NT5C3B: variants seen among roughly 807,000 people sequenced by gnomAD.
NT5C3B encodes 5'-nucleotidase, cytosolic IIIB.
In NT5C3B, 28 loss-of-function variants were observed where a neutral mutation model predicts 32.5. The observed-to-expected ratio is 0.86, with a 90% CI of 0.64 to 1.18. The LOEUF (loss-of-function observed/expected upper bound fraction) is 1.18. NT5C3B is among the 50% of genes most tolerant of loss of function. NT5C3B has a pLI of 0.00. For missense variants in NT5C3B, 317 were observed against 322.0 expected, an observed-to-expected ratio of 0.98 and a Z score of 0.12; for synonymous variants, 138 against 118.0, an observed-to-expected ratio of 1.17 and a Z score of -1.10.
At chr17:41,826,133 G>A (rs2047956757) in intron 8 of NT5C3B, among the ~76,000 whole-genome samples, 1 of 150,886 alleles carries the variant, frequency 6.6e-6, no homozygotes, top group Non-Finnish European at 1.5e-5. Flanking sequence ...TCCAGCCTAG[G>A]TGACAGAGTG....
At chr17:41,832,827 C>T (rs1346561114) in intron 4 of NT5C3B, 3 of 167,734 alleles carry the variant, frequency 1.8e-5, no homozygotes, top group Non-Finnish European at 2.6e-5. Flanking sequence ...AAGACGAGAT[C>T]ACACCACTGC....
chr17:41,835,392 C>T, intron 2 of NT5C3B, 120 bp from the exon 3 acceptor site: 1 of 817,408 alleles, frequency 1.2e-6, no homozygotes. Flanking sequence ...GTAGGCAAAG[C>T]CCTAGGGGAG....
At chr17:41,830,239 G>A (rs782241911) in intron 6 of NT5C3B, among the ~76,000 whole-genome samples, 1 of 152,184 alleles carries the variant, frequency 6.6e-6, no homozygotes, top group Non-Finnish European at 1.5e-5. Flanking sequence ...GGCCGGGCGC[G>A]GTGGCTCGCG....
intron 5 of NT5C3B, among the ~76,000 whole-genome samples, chr17:41,831,671 A>G (rs2048054069): frequency 6.6e-6 from 1 of 152,220 alleles, no homozygotes; most frequent in Admixed American, 6.5e-5. Context: ...TAATGCAGCA[A>G]GAAGGCCCTC....
At chr17:41,826,305 C>T (rs371313558) in intron 8 of NT5C3B, among the ~76,000 whole-genome samples, 45 of 152,096 alleles carry the variant, frequency 3.0e-4, no homozygotes, top group African/African-American at 1.1e-3. Context: ...CTCACTGCAG[C>T]TTCAACCTCC....
intron 7 of NT5C3B, chr17:41,828,335 TTTTG>T (rs1270888166): frequency 6.4e-6 from 1 of 155,746 alleles, no homozygotes; most frequent in African/African-American, 2.4e-5. Flanking sequence ...TTGAAAGTTT[TTTTG>T]TTTTTGTTTT....
At position 41,835,957 on chromosome 17, in the gene NT5C3B, C is replaced by A. The variant is rs910464047; in HGVS notation, c.13G>T (p.Val5Leu). 3 of 1,583,458 alleles carry A rather than the reference C, an allele frequency of 1.9e-6. No homozygotes were observed. Among genetic ancestry groups the A allele is most frequent in the Non-Finnish European group, 2.6e-6 (3 of 1,165,236 alleles). The part of the protein sequence containing the change: MAEE[V>L]STLMKATVLM... ...ACCGTGGCCTTCATCAGGGTGCTCA[C>A]CTGTCCCGAGACCCGAGAGAACCAC... is the stretch of plus-strand genomic sequence containing the variant. Residue 5 changes from valine (V) to leucine (L), a missense_variant and splice_region_variant, in exon 2 of 9, where the codon GTG (valine) becomes TTG (leucine). Coordinates refer to ENST00000435506, the MANE Select transcript of NT5C3B (RefSeq NM_052935.5).
rs1043699423 is a variant in NT5C3B, at chr17:41,826,886, G to A, written c.768+540C>T. On this transcript the variant is annotated intron_variant, in intron 8 of 8. Coordinates refer to ENST00000435506, the MANE Select transcript of NT5C3B (RefSeq NM_052935.5). ...GTGGTGGCACATGCCTGTAGTCCCAGCTACTCAGCTGCCTGAGGCAGAAGA... is the reference window on the plus strand; with the variant it reads ...GTGGTGGCACATGCCTGTAGTCCCAACTACTCAGCTGCCTGAGGCAGAAGA... Among the ~76,000 whole-genome samples, 6 of 151,052 alleles carry A rather than the reference G, an allele frequency of 4.0e-5. No individual in the cohort carries two copies. In the South Asian group the frequency reaches 1.2e-3, roughly 31 times the overall value.
rs782566651 is a variant in NT5C3B, at chr17:41,835,188, T to G, written c.181+15A>C. Reference sequence around the variant, plus strand: ...TCTTGTCAAGCTCAACAAGGGAAGCTAGAATGTGACTTACTGTAAGAAGAA... The same window carrying G: ...TCTTGTCAAGCTCAACAAGGGAAGCGAGAATGTGACTTACTGTAAGAAGAA... On this transcript the variant is annotated intron_variant, in intron 3 of 8. Coordinates refer to ENST00000435506, the MANE Select transcript of NT5C3B (RefSeq NM_052935.5). 1 of 1,613,794 alleles carries G rather than the reference T, an allele frequency of 6.2e-7. No homozygotes were observed. The highest frequency in any genetic ancestry group is 1.3e-5 in the African/African-American group (1 of 75,034).
In NT5C3B at chr17:41,833,819, G is replaced by T. The variant is rs544033955; in HGVS notation, c.228+1251C>A. 2.0e-5 allele frequency among the ~76,000 whole-genome samples: 3 copies of T among 152,252 alleles called. No homozygotes were observed. The South Asian group carries it at 6.2e-4, about 32-fold the overall frequency. On this transcript the variant is annotated intron_variant, in intron 4 of 8. Coordinates refer to ENST00000435506, the MANE Select transcript of NT5C3B (RefSeq NM_052935.5). ...AGCATCTATGTGTGTTTCCTCTAAG[G>T]TTTCCTTCTATGTGCCAAGACTTTG...
chr17:41,835,821 C>T (rs782128086), intron 2 of NT5C3B, 38 bp downstream of exon 2: 1 of 1,557,478 alleles, frequency 6.4e-7, no homozygotes. Flanking sequence ...TCTCCAGCCG[C>T]CCCCAGCCCG....
In NT5C3B at chr17:41,835,135, C is replaced by T; in HGVS notation, c.182-19G>A. 6.2e-7 allele frequency: 1 copy of T among 1,614,038 alleles called. No individual in the cohort carries two copies. The highest frequency in any genetic ancestry group is 8.5e-7 in the Non-Finnish European group (1 of 1,179,918). On this transcript the variant is annotated intron_variant, in intron 3 of 8. Coordinates refer to ENST00000435506, the MANE Select transcript of NT5C3B (RefSeq NM_052935.5). ...AGAATATCTGGAAAAAGAGAAAACT[C>T]CTTTTACTTGTCCCTTAGAACCCAT...
chr17:41,827,370 T>C, intron 8 of NT5C3B, 56 bp downstream of exon 8: 1 of 801,620 alleles, frequency 1.2e-6, no homozygotes, highest in Non-Finnish European at 2.2e-6. Flanking sequence ...CATTTGTTAA[T>C]GGGCATTCAA....
chr17:41,826,631 C>G (rs1055054160), intron 8 of NT5C3B, among the ~76,000 whole-genome samples: 18 of 151,800 alleles, frequency 1.2e-4, no homozygotes, highest in African/African-American at 3.9e-4. Context: ...GAGCCGAGAT[C>G]GTGCCACTGC....
intron 5 of NT5C3B, among the ~76,000 whole-genome samples, chr17:41,832,140 C>T (rs2048061984): frequency 6.6e-6 from 1 of 152,192 alleles, no homozygotes; most frequent in African/African-American, 2.4e-5. Flanking sequence ...TTCCACAAAG[C>T]ACTTATCCCC....
intron 4 of NT5C3B, 49 bp downstream of exon 4, chr17:41,835,021 G>A (rs2048121289): frequency 6.4e-7 from 1 of 1,569,194 alleles, no homozygotes. Context: ...GGAACCATTT[G>A]AAGTAGCAAA....
At chr17:41,833,287 C>T (rs1364949228) in intron 4 of NT5C3B, among the ~76,000 whole-genome samples, 6 of 151,954 alleles carry the variant, frequency 3.9e-5, no homozygotes, top group Non-Finnish European at 8.8e-5. Flanking sequence ...AAGCGCTTTT[C>T]AACTCAGAAG....
intron 6 of NT5C3B, among the ~76,000 whole-genome samples, chr17:41,829,319 C>T (rs782209189): frequency 2.0e-5 from 3 of 152,156 alleles, no homozygotes; most frequent in Non-Finnish European, 4.4e-5. Context: ...GAGATCGCGC[C>T]ACTGCACTCC....
Position 41,828,895 on chromosome 17 carries a change from G to A in NT5C3B, c.462C>T (p.Ile154=), listed in dbSNP as rs2144092613. The A allele has an allele frequency of 6.2e-7, 1 of 1,614,014 alleles. No homozygotes were observed. Among genetic ancestry groups the A allele is most frequent in the Middle Eastern group, 1.7e-4 (1 of 6,060 alleles). Reference sequence around the variant, plus strand: ...GGATATCACCAATGCCCGCAGAAAAGATGAAAAGGGGAATGTTGTTATGGT... The same window carrying A: ...GGATATCACCAATGCCCGCAGAAAAAATGAAAAGGGGAATGTTGTTATGGT... ...TLYHNNIPLF[I]FSAGIGDILE... is the part of the protein sequence containing the mutation. The change falls in exon 7 of 9, where the codon ATC becomes ATT. Residue 154 remains isoleucine, a synonymous_variant. Coordinates refer to ENST00000435506, the MANE Select transcript of NT5C3B (RefSeq NM_052935.5).
Sources: gnomAD v4.1 joint callset for allele counts (sites outside exome capture counted in the v4.1 genomes callset) on GRCh38, gnomAD v4.1.1 for gene constraint, MANE v1.5 for transcripts, NCBI Gene and HGNC (gene_info 2026-07-23, HGNC 2026-07-21) for gene names.